The following XKR9 variants were observed in gnomAD, a reference collection of about 807,000 sequenced individuals.
The protein encoded by XKR9 is XK-related protein 9.
A neutral mutation model predicts 32.0 loss-of-function variants in XKR9; 32 were observed. The ratio of observed to expected loss-of-function variants is 1.00; its 90% CI spans 0.76 to 1.34. The LOEUF is 1.34. Among genes scored for constraint, XKR9 ranks in the 40% most tolerant of loss-of-function variants. The pLI is 0.00. For synonymous variants in XKR9, 168 were observed against 143.4 expected, an observed-to-expected ratio of 1.17 and a Z score of -1.22; for missense variants, 546 against 429.7, an observed-to-expected ratio of 1.27 and a Z score of -2.39.
At chr8:70,764,086 C>T (rs2130215221) in intron 2 of XKR9, among the ~76,000 whole-genome samples, 1 of 152,294 alleles carries the variant, frequency 6.6e-6, no homozygotes, top group East Asian at 1.9e-4. Context: ...CCTTGCTTCC[C>T]ATTATGAGAT....
intron 2 of XKR9, among the ~76,000 whole-genome samples, chr8:70,747,044 C>T (rs35092642): frequency 0.13 from 19,732 of 152,064 alleles, 1,676 homozygotes; most frequent in African/African-American, 0.24. Flanking sequence ...AATTCACTTA[C>T]GATAATGGCC....
the XKR9 span, among the ~76,000 whole-genome samples, chr8:70,960,429 A>G: frequency 1.1e-4 from 16 of 152,158 alleles, no homozygotes; most frequent in African/African-American, 3.9e-4. Flanking sequence ...CTTGTCCACT[A>G]AAGCTATGCA....
At chr8:70,708,196 T>G (rs1284603434) in intron 4 of XKR9, among the ~76,000 whole-genome samples, 1 of 152,040 alleles carries the variant, frequency 6.6e-6, no homozygotes, top group Non-Finnish European at 1.5e-5. Flanking sequence ...AATTCATGGA[T>G]TGGGTTCTAT....
At chr8:70,961,339 A>G in the XKR9 span, among the ~76,000 whole-genome samples, 1 of 152,190 alleles carries the variant, frequency 6.6e-6, no homozygotes, top group South Asian at 2.1e-4. Context: ...GTTAGATATG[A>G]CAGGATGAGA....
At chr8:70,944,066 T>G in the XKR9 span, among the ~76,000 whole-genome samples, 1 of 152,314 alleles carries the variant, frequency 6.6e-6, no homozygotes, top group Admixed American at 6.5e-5. Context: ...ATGAGTCTTT[T>G]GCAAAATGTT....
chr8:70,862,971 G>T, the XKR9 span, among the ~76,000 whole-genome samples: 2 of 152,268 alleles, frequency 1.3e-5, no homozygotes, highest in South Asian at 4.1e-4. Context: ...GAGGCCTAGT[G>T]TATGCAGAGG....
chr8:70,848,977 T>G, the XKR9 span, among the ~76,000 whole-genome samples: 1 of 152,086 alleles, frequency 6.6e-6, no homozygotes, highest in African/African-American at 2.4e-5. Context: ...ACAAAGAGAC[T>G]TAGACTCCCA....
the XKR9 span, among the ~76,000 whole-genome samples, chr8:71,008,101 G>T: frequency 6.6e-6 from 1 of 151,910 alleles, no homozygotes; most frequent in East Asian, 1.9e-4. Context: ...AGAAAATGAA[G>T]AATTTTTAAA....
the XKR9 span, among the ~76,000 whole-genome samples, chr8:71,040,998 T>G: frequency 6.6e-6 from 1 of 152,190 alleles, no homozygotes; most frequent in Admixed American, 6.5e-5. Context: ...AATAACTATT[T>G]TTAATACTGC....
At chr8:70,970,143 A>C in the XKR9 span, among the ~76,000 whole-genome samples, 65 of 152,138 alleles carry the variant, frequency 4.3e-4, no homozygotes, top group African/African-American at 1.5e-3. Context: ...CAGCTCGTTG[A>C]TTGATGGGCA....
chr8:70,861,488 C>CA, the XKR9 span, among the ~76,000 whole-genome samples: 59,459 of 146,558 alleles, frequency 0.41, 13,046 homozygotes, highest in Non-Finnish European at 0.51. Context: ...TTGTGTCTAT[C>CA]AAAAAAAAAA....
At chr8:70,689,037 TC>T (rs1819416600) in intron 3 of XKR9, among the ~76,000 whole-genome samples, 1 of 151,550 alleles carries the variant, frequency 6.6e-6, no homozygotes. Flanking sequence ...AAAGCAAAAA[TC>T]CCAACACACA....
chr8:70,779,575 G>C (rs750266894), intron 2 of XKR9, among the ~76,000 whole-genome samples: 1 of 152,004 alleles, frequency 6.6e-6, no homozygotes, highest in Non-Finnish European at 1.5e-5. Context: ...CTGTGAATCC[G>C]TCTGGACCTG....
downstream of XKR9, among the ~76,000 whole-genome samples, chr8:70,738,928 G>A (rs1806912770): frequency 6.6e-6 from 1 of 152,188 alleles, no homozygotes; most frequent in Admixed American, 6.5e-5. Context: ...GTGTGGTACT[G>A]AAAGAAATGT....
At chr8:70,786,605 G>T (rs1004738511) in intron 2 of XKR9, among the ~76,000 whole-genome samples, 1 of 152,002 alleles carries the variant, frequency 6.6e-6, no homozygotes, top group South Asian at 2.1e-4. Flanking sequence ...TACTCTTTTG[G>T]TTTCCACTTG....
chr8:70,861,651 G>T, the XKR9 span, among the ~76,000 whole-genome samples: 4 of 151,886 alleles, frequency 2.6e-5, no homozygotes, highest in African/African-American at 9.7e-5. Context: ...GTAAGAACCT[G>T]AACCTAAAAA....
chr8:70,863,085 G>C, the XKR9 span, among the ~76,000 whole-genome samples: 4 of 152,160 alleles, frequency 2.6e-5, no homozygotes, highest in Non-Finnish European at 5.9e-5. Context: ...TGATGAAACT[G>C]TTGAGCGAGG....
At chr8:70,848,760 A>G in the XKR9 span, among the ~76,000 whole-genome samples, 1 of 109,034 alleles carries the variant, frequency 9.2e-6, no homozygotes, top group Non-Finnish European at 2.0e-5. Context: ...GGCAAATGGA[A>G]TGCCAAAAAA....
the XKR9 span, among the ~76,000 whole-genome samples, chr8:70,822,592 A>G: frequency 6.6e-6 from 1 of 151,116 alleles, no homozygotes; most frequent in East Asian, 1.9e-4. Context: ...CAAAAGAAAA[A>G]GCAATAGGTT....
Sources: gnomAD v4.1 joint callset for allele counts (sites outside exome capture counted in the v4.1 genomes callset) on GRCh38, gnomAD v4.1.1 for gene constraint, MANE v1.5 for transcripts, NCBI Gene and HGNC (gene_info 2026-07-23, HGNC 2026-07-21) for gene names.